The following SORL1 variants were observed in gnomAD, a reference collection of about 807,000 sequenced individuals.
SORL1 encodes the protein sortilin related receptor 1, also known as sortilin-related receptor.
SORL1 carries 127 observed loss-of-function variants against 273.7 expected under a neutral mutation model. The observed-to-expected ratio is 0.46, with a 90% confidence interval of 0.40 to 0.54. The LOEUF is 0.54. SORL1 is among the 20% of genes least tolerant of loss of function. SORL1 has a pLI of 0.00. For synonymous variants in SORL1, 1,031 were observed against 1,067.4 expected (o/e 0.97, Z 0.66); for missense variants, 2,494 against 2,846.1 (o/e 0.88, Z 2.81).
At chr11:121,524,308 A>G (rs2134860964) in intron 11 of SORL1, among the ~76,000 whole-genome samples, 1 of 152,340 alleles carries the variant, frequency 6.6e-6, no homozygotes, top group South Asian at 2.1e-4. Context: ...GCACATCTGC[A>G]AGTGATTTCC....
At chr11:121,543,416 C>G in intron 12 of SORL1, 132 bp from the exon 13 acceptor site, 3 of 685,404 alleles carry the variant, frequency 4.4e-6, no homozygotes, top group Non-Finnish European at 7.4e-6. Context: ...CTTAAACTTT[C>G]CCTGCCTTAG....
intron 2 of SORL1, among the ~76,000 whole-genome samples, chr11:121,472,975 A>AT (rs901368021): frequency 1.8e-4 from 28 of 151,506 alleles, no homozygotes; most frequent in African/African-American, 6.3e-4. Flanking sequence ...AAAGAAAAAA[A>AT]AAAAGGAGAT....
At chr11:121,583,250 T>C (rs1368231996) in intron 25 of SORL1, among the ~76,000 whole-genome samples, 1 of 152,188 alleles carries the variant, frequency 6.6e-6, no homozygotes, top group Non-Finnish European at 1.5e-5. Flanking sequence ...CTGGGTCATG[T>C]TTATAAATCC....
intron 2 of SORL1, among the ~76,000 whole-genome samples, chr11:121,472,932 C>A (rs1041515509): frequency 6.6e-6 from 1 of 150,438 alleles, no homozygotes; most frequent in African/African-American, 2.5e-5. Context: ...TGCACTCCAG[C>A]CTGAGCAACA....
Position 121,452,808 on chromosome 11 carries a change from G to A in SORL1, c.285+192G>A. On this transcript the variant is annotated intron_variant, in intron 1 of 47. Coordinates refer to ENST00000260197, the MANE Select transcript of SORL1 (RefSeq NM_003105.6). This position sits in a 1 kb window ranked among gnomAD's most constrained non-coding sequence, Gnocchi z 5.3. Reference sequence around the variant, plus strand: ...GCATTGATCTTTCCTTCTTCCTGTCGATTTAGTAAACGTATTCCAGGTAAC... The same window carrying A: ...GCATTGATCTTTCCTTCTTCCTGTCAATTTAGTAAACGTATTCCAGGTAAC... 1 of 508,166 alleles carries A rather than the reference G, an allele frequency of 2.0e-6. No homozygotes were observed. Among genetic ancestry groups the A allele is most frequent in the Non-Finnish European group, 3.3e-6 (1 of 301,342 alleles). 31.5% of individuals were successfully genotyped at this position (508,166 alleles called of 1,614,324 possible).
At chr11:121,503,107 C>T (rs1278493665) in intron 6 of SORL1, among the ~76,000 whole-genome samples, 4 of 152,034 alleles carry the variant, frequency 2.6e-5, no homozygotes, top group Non-Finnish European at 4.4e-5. Context: ...TGGGCTCAAG[C>T]AGTCCTCCCA....
intron 1 of SORL1, among the ~76,000 whole-genome samples, chr11:121,465,788 A>C (rs1861073339): frequency 6.6e-6 from 1 of 152,034 alleles, no homozygotes; most frequent in Admixed American, 6.5e-5. Context: ...TGGCCTCCCA[A>C]AGTGCTGGGA....
chr11:121,461,304 A>T (rs948557192), intron 1 of SORL1, among the ~76,000 whole-genome samples: 6 of 152,130 alleles, frequency 3.9e-5, no homozygotes, highest in African/African-American at 1.4e-4. Context: ...CAAGGCCTTC[A>T]ATCTCTAGAG....
intron 7 of SORL1, 32 bp from the exon 8 acceptor site, chr11:121,514,120 T>G (rs1393654690): frequency 3.1e-6 from 5 of 1,603,822 alleles, no homozygotes; most frequent in Non-Finnish European, 4.3e-6. Flanking sequence ...ATTTGTTTTT[T>G]GACGTATCTT....
intron 22 of SORL1, among the ~76,000 whole-genome samples, chr11:121,568,549 A>G (rs1591331016): frequency 6.6e-6 from 1 of 152,194 alleles, no homozygotes; most frequent in South Asian, 2.1e-4. Context: ...TAAAGTAGTC[A>G]TGGGGCAGAA....
At chr11:121,557,502 C>A in intron 19 of SORL1, 97 bp downstream of exon 19, 1 of 944,520 alleles carries the variant, frequency 1.1e-6, no homozygotes, top group Non-Finnish European at 1.7e-6. Context: ...CTCTGTTTCT[C>A]ATGATGGTGG....
intron 12 of SORL1, among the ~76,000 whole-genome samples, chr11:121,540,532 A>AAAAAAAAAAAAAAAAAAAAAAAAAAAAAC (rs1439708247): frequency 6.6e-6 from 1 of 150,538 alleles, no homozygotes; most frequent in Non-Finnish European, 1.5e-5. Flanking sequence ...CAAAAAAAAA[A>AAAAAAAAAAAAAAAAAAAAAAAAAAAAAC]AAAAGAATGC....
In SORL1 at chr11:121,621,092, TA is replaced by T; in HGVS notation, c.5920del (p.Arg1974GlufsTer9). 2 of 1,612,706 alleles carry T rather than the reference TA, an allele frequency of 1.2e-6. No homozygotes were observed. Among genetic ancestry groups the T allele is most frequent in the Non-Finnish European group, 8.5e-7 (1 of 1,179,166 alleles). ...LLYAVAVKDLIRKTDRSYKVK... is the reference protein window; with the variant it reads ...LLYAVAVKDLXRKTDRSYKVK... ...TATGCAGTTGCAGTCAAAGATCTCA[TA>T]AGAAAGACTGACAGGAGCTACAAAG... On this transcript the variant is annotated frameshift_variant, in exon 44 of 48. Coordinates refer to ENST00000260197, the MANE Select transcript of SORL1 (RefSeq NM_003105.6). LOFTEE classifies it high-confidence loss of function.
Position 121,543,550 on chromosome 11 carries a change from A to G in SORL1, c.1688A>G (p.Tyr563Cys), listed in dbSNP as rs1225116458. 5 of 1,612,980 alleles carry G rather than the reference A, an allele frequency of 3.1e-6. No homozygotes were observed. The African/African-American group carries it at 6.7e-5, about 22-fold the overall frequency. The change falls in exon 13 of 48, where the codon TAC becomes TGC. Residue 563 changes from tyrosine to cysteine, a missense_variant and splice_region_variant. By Grantham distance (194) the Tyr-to-Cys change is radical. This residue lies in a region of SORL1 where 710 missense variants were observed against 882.5 expected (regional missense o/e 0.80). Coordinates refer to ENST00000260197, the MANE Select transcript of SORL1 (RefSeq NM_003105.6). ...TTCTCTTACTTGCATTTGGGCAGAT[A>G]CAGTACCAATGAAGGGGAGACCTGG... is the stretch of plus-strand genomic sequence containing the variant. ...AQGMETNELKYSTNEGETWKT... is the reference protein window; with the variant it reads ...AQGMETNELKCSTNEGETWKT...
At chr11:121,527,909 G>T (rs1035274257) in intron 11 of SORL1, among the ~76,000 whole-genome samples, 1 of 151,916 alleles carries the variant, frequency 6.6e-6, no homozygotes, top group Admixed American at 6.5e-5. Context: ...CAAAGAATCT[G>T]CTTTTGGCTC....
intron 1 of SORL1, among the ~76,000 whole-genome samples, chr11:121,466,328 G>T (rs1183992843): frequency 6.6e-6 from 1 of 152,124 alleles, no homozygotes; most frequent in Admixed American, 6.5e-5. Context: ...GGGGATTGGC[G>T]ATGGAAAAAG....
chr11:121,478,286 G>C, intron 3 of SORL1, 43 bp downstream of exon 3: 1 of 1,598,242 alleles, frequency 6.3e-7, no homozygotes, highest in Non-Finnish European at 8.5e-7. Context: ...TCATGGGACT[G>C]GGTTTTGGAA....
chr11:121,511,193 A>G (rs554805502), intron 6 of SORL1, among the ~76,000 whole-genome samples: 1 of 151,774 alleles, frequency 6.6e-6, no homozygotes, highest in African/African-American at 2.4e-5. Context: ...TTTTTTTTTG[A>G]TGATTGTAGT....
intron 21 of SORL1, among the ~76,000 whole-genome samples, chr11:121,561,501 C>G (rs1488234520): frequency 6.6e-6 from 1 of 152,068 alleles, no homozygotes; most frequent in Non-Finnish European, 1.5e-5. Flanking sequence ...AGAGTGAGGT[C>G]TGGATAGATG....
Sources: allele counts gnomAD v4.1 joint callset (sites outside exome capture counted in the v4.1 genomes callset), GRCh38; gene constraint gnomAD v4.1.1; regional missense constraint gnomAD v4.1.1; non-coding constraint Gnocchi (gnomAD v3.1); transcripts MANE v1.5; gene names NCBI Gene and HGNC (gene_info 2026-07-23, HGNC 2026-07-21).